The following TMEM135 variants were observed in gnomAD, a reference collection of about 807,000 sequenced individuals.
TMEM135 encodes the protein transmembrane protein 135, also known as peroxisomal membrane protein 52.
TMEM135 carries 30 observed loss-of-function variants against 60.3 expected under a neutral mutation model. That is an observed-to-expected ratio of 0.50 (90% confidence interval 0.37 to 0.68). The LOEUF (loss-of-function observed/expected upper bound fraction) is 0.68. Ranked by LOEUF, TMEM135 falls within the 30% of genes least tolerant of loss-of-function variation. The pLI is 0.00. For missense variants in TMEM135, 468 were observed against 548.8 expected (o/e 0.85, Z 1.47); for synonymous variants, 190 against 186.7 (o/e 1.02, Z -0.14).
chr11:87,324,368 G>C lies in TMEM135; in HGVS notation c.*3035G>C. 2.2e-6 allele frequency: 1 copy of C among 453,958 alleles called. No homozygotes were observed. Among genetic ancestry groups the C allele is most frequent in the Non-Finnish European group, 4.4e-6 (1 of 226,734 alleles). 28.1% of individuals were successfully genotyped at this position (453,958 alleles called of 1,614,324 possible). ...CCACTGGAGCAATGGCCCAAATGTT[G>C]TTTTTGGAGCAGAGAAATTATTAGC... On this transcript the variant is annotated 3_prime_UTR_variant, in exon 15 of 15. Transcript: ENST00000305494.
intron 5 of TMEM135, chr11:87,178,576 C>T (rs1397608397): frequency 2.3e-6 from 1 of 442,526 alleles, no homozygotes; most frequent in East Asian, 7.1e-5. Context: ...CAGGGGTGCA[C>T]CATTACACCT....
At chr11:87,254,894 A>G (rs674427) in intron 6 of TMEM135, among the ~76,000 whole-genome samples, 100,068 of 151,886 alleles carry the variant, frequency 0.66, 33,549 homozygotes, top group Non-Finnish European at 0.71. Context: ...TAATTCCAGC[A>G]TTTTAAGAGC....
intron 6 of TMEM135, among the ~76,000 whole-genome samples, chr11:87,253,299 C>G (rs1591142344): frequency 6.6e-6 from 1 of 152,050 alleles, no homozygotes; most frequent in Admixed American, 6.6e-5. Flanking sequence ...TATGGAGAAA[C>G]AGCATGAACC....
chr11:87,185,760 C>G (rs939998624), intron 5 of TMEM135, among the ~76,000 whole-genome samples: 1 of 152,112 alleles, frequency 6.6e-6, no homozygotes, highest in Non-Finnish European at 1.5e-5. Context: ...AAGATAAAGT[C>G]TTGATTTTTC....
At chr11:87,043,963 C>G (rs1949773353) in intron 1 of TMEM135, among the ~76,000 whole-genome samples, 1 of 151,994 alleles carries the variant, frequency 6.6e-6, no homozygotes, top group South Asian at 2.1e-4. Context: ...TCTTTAGGAC[C>G]TCTAGATTAA....
intron 4 of TMEM135, among the ~76,000 whole-genome samples, chr11:87,097,203 G>T (rs1857350612): frequency 6.6e-6 from 1 of 152,060 alleles, no homozygotes; most frequent in South Asian, 2.1e-4. Flanking sequence ...CACCATGTTG[G>T]TCAGGCTGGT....
Position 87,216,594 on chromosome 11 carries a change from T to C in TMEM135, c.463-20044T>C, listed in dbSNP as rs116894337. Among the ~76,000 whole-genome samples the C allele has an allele frequency of 1.4e-3, 218 of 152,348 alleles. 2 individuals are homozygous for C. Among genetic ancestry groups the C allele is most frequent in the South Asian group, 5.0e-3 (24 of 4,832 alleles). On this transcript the variant is annotated intron_variant, in intron 5 of 14. Coordinates refer to ENST00000305494, the MANE Select transcript of TMEM135 (RefSeq NM_022918.4). ...GCATTCATTTGTTTTACTAAAAGTT[T>C]TGCAGGTCTGGTTTTGTTTGAGCAA...
At chr11:87,276,665 A>ATTTTTTTTTT (rs11340916) in intron 6 of TMEM135, among the ~76,000 whole-genome samples, 38 of 115,626 alleles carry the variant, frequency 3.3e-4, no homozygotes, top group Non-Finnish European at 4.8e-4. Flanking sequence ...GTGTTTGTGA[A>ATTTTTTTTTT]TTTTTTTTTT....
chr11:87,042,631 A>C (rs1949759778), intron 1 of TMEM135, among the ~76,000 whole-genome samples: 1 of 152,150 alleles, frequency 6.6e-6, no homozygotes, highest in African/African-American at 2.4e-5. Flanking sequence ...CTGAGCCCCA[A>C]CATGAAGGAA....
intron 4 of TMEM135, among the ~76,000 whole-genome samples, chr11:87,091,827 C>T (rs1857213232): frequency 6.6e-6 from 1 of 152,048 alleles, no homozygotes; most frequent in South Asian, 2.1e-4. Context: ...TATCTCCAAA[C>T]ACTCAGTGCA....
rs553159275 is a variant in TMEM135, at chr11:87,317,272, C to T, written c.1078-865C>T. Reference sequence around the variant, plus strand: ...GCTGTTTCACTTAACATTTCTGTGACGCAGTTCTACCACATCTGAATTAAA... The same window carrying T: ...GCTGTTTCACTTAACATTTCTGTGATGCAGTTCTACCACATCTGAATTAAA... On this transcript the variant is annotated intron_variant, in intron 12 of 14. Coordinates refer to ENST00000305494, the MANE Select transcript of TMEM135 (RefSeq NM_022918.4). 1.8e-4 allele frequency among the ~76,000 whole-genome samples: 28 copies of T among 152,134 alleles called. No homozygotes were observed. In the Middle Eastern group the frequency reaches 0.014, roughly 74 times the overall value.
At chr11:87,136,434 C>G (rs1938102540) in intron 4 of TMEM135, among the ~76,000 whole-genome samples, 1 of 151,796 alleles carries the variant, frequency 6.6e-6, no homozygotes, top group African/African-American at 2.4e-5. Context: ...ATAACTATGC[C>G]CGTGGGGGAT....
intron 6 of TMEM135, among the ~76,000 whole-genome samples, chr11:87,252,802 G>A (rs936226759): frequency 1.1e-4 from 17 of 147,854 alleles, no homozygotes; most frequent in South Asian, 4.3e-4. Flanking sequence ...ATATATATGT[G>A]TGTGTGTGTG....
intron 5 of TMEM135, among the ~76,000 whole-genome samples, chr11:87,202,730 TA>T (rs201573717): frequency 0.16 from 21,737 of 134,318 alleles, 1,654 homozygotes; most frequent in Non-Finnish European, 0.18. Context: ...TAAAAGACTT[TA>T]AAAAAAAAAA....
chr11:87,062,225 C>T (rs372356710), intron 1 of TMEM135, among the ~76,000 whole-genome samples: 17 of 151,678 alleles, frequency 1.1e-4, no homozygotes, highest in South Asian at 4.2e-4. Flanking sequence ...AGGCTGGTCT[C>T]GAACTCCTGA....
chr11:87,318,905 C>G (rs1267393672), intron 13 of TMEM135, among the ~76,000 whole-genome samples: 1 of 130,212 alleles, frequency 7.7e-6, no homozygotes, highest in Non-Finnish European at 1.6e-5. Context: ...GAATTTTGCT[C>G]TTGTCCAGGC....
chr11:87,043,722 AAAACAAAC>A (rs144953900), intron 1 of TMEM135, among the ~76,000 whole-genome samples: 1 of 151,818 alleles, frequency 6.6e-6, no homozygotes, highest in Non-Finnish European at 1.5e-5. Flanking sequence ...ACTCTGTCTC[AAAACAAAC>A]AAACAAACAA....
chr11:87,129,213 A>ATTTTTTTTTTTTTTTTTT (rs71040295), intron 4 of TMEM135, among the ~76,000 whole-genome samples: 11 of 116,260 alleles, frequency 9.5e-5, no homozygotes, highest in East Asian at 2.2e-4. Flanking sequence ...TTATTCCTTA[A>ATTTTTTTTTTTTTTTTTT]TTTTTTTTTT....
chr11:87,246,898 G>C (rs11494238), intron 6 of TMEM135, among the ~76,000 whole-genome samples: 1 of 117,052 alleles, frequency 8.5e-6, no homozygotes. Flanking sequence ...CTGGTGAGGA[G>C]CTGCGTTCCT....
Sources: gnomAD v4.1 joint callset for allele counts (sites outside exome capture counted in the v4.1 genomes callset) on GRCh38, gnomAD v4.1.1 for gene constraint, MANE v1.5 for transcripts, NCBI Gene and HGNC (gene_info 2026-07-23, HGNC 2026-07-21) for gene names.